Variants in OXR1 observed in about 807,000 individuals in gnomAD.
OXR1 encodes the protein oxidation resistance 1, also known as oxidation resistance protein 1.
In OXR1, 41 loss-of-function variants were observed where a neutral mutation model predicts 104.6. The observed-to-expected ratio is 0.39, with a 90% CI of 0.31 to 0.51. OXR1 has a LOEUF of 0.51. OXR1 is among the 20% of genes least tolerant of loss of function. The pLI is 0.77. For synonymous variants in OXR1, 348 were observed against 348.4 expected, an observed-to-expected ratio of 1.00 and a Z score of 0.01; for missense variants, 955 against 1,031.9, an observed-to-expected ratio of 0.93 and a Z score of 1.02.
At chr8:106,731,518 G>A (rs1022468125) in intron 11 of OXR1, among the ~76,000 whole-genome samples, 1 of 151,980 alleles carries the variant, frequency 6.6e-6, no homozygotes, top group African/African-American at 2.4e-5. Flanking sequence ...TTTTTTTCCT[G>A]TGCTATTTTC....
chr8:106,317,555 C>T lies in OXR1; in HGVS notation c.-138-41921C>T, dbSNP rs573708455. Reference sequence around the variant, plus strand: ...TTAATGCTTTTTGCATAAAGTGTAACCTTAATGTGTATTTTTCCTTGCTTC... The same window carrying T: ...TTAATGCTTTTTGCATAAAGTGTAATCTTAATGTGTATTTTTCCTTGCTTC... On this transcript the variant is annotated intron_variant, in intron 1 of 16. Transcript: ENST00000517566. Among the ~76,000 whole-genome samples the T allele has an allele frequency of 3.9e-4, 59 of 152,194 alleles. 2 individuals are homozygous for T. The South Asian group carries it at 9.5e-3, about 25-fold the overall frequency.
At chr8:106,552,421 G>A (rs955020552) in intron 3 of OXR1, among the ~76,000 whole-genome samples, 3 of 152,086 alleles carry the variant, frequency 2.0e-5, no homozygotes, top group Non-Finnish European at 4.4e-5. Context: ...TGGGCAGCTA[G>A]CTATGCTTTC....
chr8:106,405,187 TA>T (rs1818181416), intron 2 of OXR1, among the ~76,000 whole-genome samples: 2 of 12,702 alleles, frequency 1.6e-4, no homozygotes, highest in South Asian at 4.4e-3. Flanking sequence ...TATATATATA[TA>T]TATATATATA....
chr8:106,284,435 G>A (rs1041080754), intron 1 of OXR1, among the ~76,000 whole-genome samples: 2 of 152,086 alleles, frequency 1.3e-5, no homozygotes, highest in African/African-American at 4.8e-5. Context: ...TCTTGGTGAG[G>A]CTAAGGATTT....
At chr8:106,461,012 A>G (rs1820879250) in intron 2 of OXR1, among the ~76,000 whole-genome samples, 1 of 152,080 alleles carries the variant, frequency 6.6e-6, no homozygotes, top group Non-Finnish European at 1.5e-5. Flanking sequence ...CTGAACAAGC[A>G]GATGTTTAGC....
intron 3 of OXR1, among the ~76,000 whole-genome samples, chr8:106,655,080 A>G (rs1260793771): frequency 1.3e-5 from 2 of 152,194 alleles, no homozygotes; most frequent in Non-Finnish European, 2.9e-5. Context: ...TGAAATGTCT[A>G]TAAAAGGCAA....
At chr8:106,319,760 A>G (rs1432695288) in intron 1 of OXR1, among the ~76,000 whole-genome samples, 1 of 152,210 alleles carries the variant, frequency 6.6e-6, no homozygotes, top group Non-Finnish European at 1.5e-5. Context: ...GGGCAGGAGG[A>G]ATAAAGGCGA....
At chr8:106,494,494 G>T (rs1291136494) in intron 2 of OXR1, among the ~76,000 whole-genome samples, 2 of 152,120 alleles carry the variant, frequency 1.3e-5, no homozygotes, top group Non-Finnish European at 2.9e-5. Flanking sequence ...AAAGCCTGAA[G>T]ACAGGTGTCT....
chr8:106,591,445 T>TA (rs79236395), intron 3 of OXR1, among the ~76,000 whole-genome samples: 34,384 of 146,378 alleles, frequency 0.23, 4,151 homozygotes, highest in East Asian at 0.41. Flanking sequence ...AAAGTATAAT[T>TA]AAAAAAAAAA....
chr8:106,381,132 G>C (rs1256003959), intron 2 of OXR1, among the ~76,000 whole-genome samples: 1 of 152,144 alleles, frequency 6.6e-6, no homozygotes, highest in East Asian at 1.9e-4. Context: ...ATAAAGAATA[G>C]ATAGCTGAAT....
At chr8:106,678,964 C>T (rs917339120) in intron 3 of OXR1, among the ~76,000 whole-genome samples, 3 of 151,960 alleles carry the variant, frequency 2.0e-5, no homozygotes, top group African/African-American at 7.2e-5. Context: ...TTTCTGTTGA[C>T]AATTATGTTT....
At chr8:106,413,052 T>C (rs772964831) in intron 2 of OXR1, among the ~76,000 whole-genome samples, 20 of 152,132 alleles carry the variant, frequency 1.3e-4, no homozygotes, top group Non-Finnish European at 2.4e-4. Context: ...AGAACATTTT[T>C]TGGCAAATAA....
chr8:106,398,508 A>G (rs1157855108), intron 2 of OXR1, among the ~76,000 whole-genome samples: 1 of 152,182 alleles, frequency 6.6e-6, no homozygotes, highest in African/African-American at 2.4e-5. Flanking sequence ...ATGGGAAATG[A>G]GTGAGTCAGT....
intron 3 of OXR1, among the ~76,000 whole-genome samples, chr8:106,526,172 C>G (rs1813646420): frequency 1.3e-5 from 2 of 152,076 alleles, no homozygotes; most frequent in South Asian, 4.1e-4. Context: ...ATGTTTAAAT[C>G]TTATACAATT....
intron 1 of OXR1, among the ~76,000 whole-genome samples, chr8:106,321,995 A>T (rs115836444): frequency 6.6e-6 from 1 of 152,236 alleles, no homozygotes; most frequent in Admixed American, 6.5e-5. Flanking sequence ...GAAAATAAGA[A>T]AATAGTATAT....
chr8:106,357,551 C>T (rs943999775), intron 1 of OXR1, among the ~76,000 whole-genome samples: 9 of 152,040 alleles, frequency 5.9e-5, no homozygotes, highest in African/African-American at 2.2e-4. Context: ...CACTCATATG[C>T]GCTTGTATGC....
intron 3 of OXR1, among the ~76,000 whole-genome samples, chr8:106,522,274 T>C (rs1813317171): frequency 6.6e-6 from 1 of 152,200 alleles, no homozygotes; most frequent in African/African-American, 2.4e-5. Context: ...AAGTTCCTGA[T>C]ATAAAATGGC....
intron 1 of OXR1, among the ~76,000 whole-genome samples, chr8:106,284,230 T>C (rs1475653156): frequency 6.6e-6 from 1 of 151,908 alleles, no homozygotes; most frequent in Admixed American, 6.6e-5. Context: ...CAGAGGAACA[T>C]GACACTGAGA....
intron 15 of OXR1, among the ~76,000 whole-genome samples, chr8:106,743,360 C>T (rs1197687571): frequency 1.3e-5 from 2 of 152,146 alleles, no homozygotes; most frequent in East Asian, 1.9e-4. Context: ...CTTGCTGTGT[C>T]GCCCAGGCTG....
Sources: gnomAD v4.1 joint callset for allele counts (sites outside exome capture counted in the v4.1 genomes callset) on GRCh38, gnomAD v4.1.1 for gene constraint, MANE v1.5 for transcripts, NCBI Gene and HGNC (gene_info 2026-07-23, HGNC 2026-07-21) for gene names.